The following TNK2 variants were observed in gnomAD, a reference collection of about 807,000 sequenced individuals.
The protein encoded by TNK2 is activated CDC42 kinase 1.
A neutral mutation model predicts 101.8 loss-of-function variants in TNK2; 83 were observed. The ratio of observed to expected loss-of-function variants is 0.82; its 90% CI spans 0.68 to 0.98. The LOEUF is 0.98. Ranked by LOEUF, TNK2 falls within the 50% of genes least tolerant of loss-of-function variation. TNK2 has a pLI of 0.00. For synonymous variants in TNK2, 804 were observed against 633.0 expected, an observed-to-expected ratio of 1.27 and a Z score of -4.06; for missense variants, 1,665 against 1,483.2, an observed-to-expected ratio of 1.12 and a Z score of -2.01.
intron 15 of TNK2, among the ~76,000 whole-genome samples, chr3:195,866,047 C>T (rs1158043391): frequency 6.6e-6 from 1 of 152,166 alleles, no homozygotes; most frequent in Non-Finnish European, 1.5e-5. Context: ...GCCATGTGAC[C>T]TCAGTTCACT....
intron 9 of TNK2, 28 bp from the exon 10 acceptor site, chr3:195,872,498 G>C: frequency 6.4e-7 from 1 of 1,552,386 alleles, no homozygotes. Flanking sequence ...CACGGTGAAC[G>C]CCAGGCGTGG....
chr3:195,894,742 A>ATT (rs1759938734), intron 1 of TNK2: 4 of 152,272 alleles, frequency 2.6e-5, no homozygotes, highest in African/African-American at 9.7e-5. Flanking sequence ...TTAAGCCCCA[A>ATT]CGCTCCTACC....
In TNK2 at chr3:195,888,516, G is replaced by T. The variant is rs370977320; in HGVS notation, c.73C>A (p.Arg25=). Residue 25 remains arginine, a synonymous_variant, in exon 2 of 16, where the codon CGG becomes AGG. Transcript: ENST00000672887. The surrounding 1 kb of genome is among the most constrained non-coding windows in gnomAD (Gnocchi z 5.3). Reference sequence around the variant, plus strand: ...GTGACGTTGAGGTCATCTCGGAGCCGCAGGAAGTACTGTTGCAGCTGCACC... The same window carrying T: ...GTGACGTTGAGGTCATCTCGGAGCCTCAGGAAGTACTGTTGCAGCTGCACC... ...SEVQLQQYFL[R]LRDDLNVTRL... is the part of the protein sequence containing the mutation. 3.7e-6 allele frequency: 6 copies of T among 1,613,604 alleles called. No homozygotes were observed. Among genetic ancestry groups the T allele is most frequent in the Admixed American group, 1.7e-5 (1 of 60,018 alleles).
chr3:195,883,395 C>T (rs901292129), intron 4 of TNK2, 86 bp from the exon 5 acceptor site: 10 of 1,520,980 alleles, frequency 6.6e-6, no homozygotes, highest in South Asian at 1.2e-5. Flanking sequence ...CAACTCGGCT[C>T]AACGATCCCT....
At chr3:195,907,443 T>A (rs1197409931) in intron 1 of TNK2, among the ~76,000 whole-genome samples, 2 of 152,186 alleles carry the variant, frequency 1.3e-5, no homozygotes, top group Non-Finnish European at 2.9e-5. Flanking sequence ...CAGCCACACC[T>A]CGGGCTGGGG....
chr3:195,869,319 C>CG (rs1000464801), intron 12 of TNK2, 178 bp downstream of exon 12: 19 of 685,002 alleles, frequency 2.8e-5, no homozygotes, highest in Non-Finnish European at 4.0e-5. Flanking sequence ...GCCCAGGCTC[C>CG]GGGGGGCGGG....
At chr3:195,898,826 G>A (rs1224155608) in intron 1 of TNK2, among the ~76,000 whole-genome samples, 1 of 152,198 alleles carries the variant, frequency 6.6e-6, no homozygotes, top group African/African-American at 2.4e-5. Context: ...TGGGCCCGGT[G>A]GCTCACGTCT....
Position 195,904,843 on chromosome 3 carries a change from T to C in TNK2, c.-19+3642A>G, listed in dbSNP as rs144093599. On this transcript the variant is annotated intron_variant, in intron 1 of 15. Coordinates refer to ENST00000672887, the MANE Select transcript of TNK2 (RefSeq NM_001382273.1). ...AAAACTACAAAACACTGCTGAGAGA[T>C]AGTAAACAAAACCTAGACAAATACA... Among the ~76,000 whole-genome samples the C allele has an allele frequency of 7.6e-4, 115 of 152,276 alleles. 1 individual carries two copies. The highest frequency in any genetic ancestry group is 2.4e-3 in the African/African-American group (98 of 41,562).
At chr3:195,892,304 G>A in intron 1 of TNK2, 5 of 1,143,710 alleles carry the variant, frequency 4.4e-6, no homozygotes, top group South Asian at 1.6e-5. Context: ...GCCCTCACTG[G>A]CGGGGTCCCT....
At chr3:195,894,262 C>T (rs1212220815) in intron 1 of TNK2, 1 of 152,264 alleles carries the variant, frequency 6.6e-6, no homozygotes, top group Non-Finnish European at 1.5e-5. Context: ...AGATTAAAAA[C>T]TCTAGCGTCC....
In TNK2 at chr3:195,895,199, G is replaced by T. The variant is rs765868482; in HGVS notation, c.-18-6593C>A. ...TGAGCCCGGCTCACAGCAGACGAAGGGGTCTGGGGCCCAGGTATCTGGCTA... is the reference window on the plus strand; with the variant it reads ...TGAGCCCGGCTCACAGCAGACGAAGTGGTCTGGGGCCCAGGTATCTGGCTA... On this transcript the variant is annotated intron_variant, in intron 1 of 15. Coordinates refer to ENST00000672887, the MANE Select transcript of TNK2 (RefSeq NM_001382273.1). 23 of 1,450,798 alleles carry T rather than the reference G, an allele frequency of 1.6e-5. No homozygotes were observed. The South Asian group carries it at 1.9e-4, about 12-fold the overall frequency. 89.9% of individuals were successfully genotyped at this position (1,450,798 alleles called of 1,614,324 possible).
chr3:195,874,556 G>A (rs1238345939), intron 9 of TNK2, among the ~76,000 whole-genome samples: 1 of 137,104 alleles, frequency 7.3e-6, no homozygotes, highest in South Asian at 2.4e-4. Context: ...TGGCGCCCAC[G>A]CACGCTCCGA....
At position 195,888,114 on chromosome 3, in the gene TNK2, G is replaced by A. The variant is rs574843482; in HGVS notation, c.163+312C>T. Among the ~76,000 whole-genome samples, 1 of 152,108 alleles carries A rather than the reference G, an allele frequency of 6.6e-6. No individual in the cohort carries two copies. Among genetic ancestry groups the A allele is most frequent in the Admixed American group, 6.5e-5 (1 of 15,276 alleles). ...GACCCCCCGGTAGTCAGAATGATGAGAACAGACTCAATTCGATGCTTATGA... is the reference window on the plus strand; with the variant it reads ...GACCCCCCGGTAGTCAGAATGATGAAAACAGACTCAATTCGATGCTTATGA... On this transcript the variant is annotated intron_variant, in intron 2 of 15. Coordinates refer to ENST00000672887, the MANE Select transcript of TNK2 (RefSeq NM_001382273.1). This position sits in a 1 kb window ranked among gnomAD's most constrained non-coding sequence, Gnocchi z 5.3.
At chr3:195,880,274 C>G (rs907364351) in intron 6 of TNK2, among the ~76,000 whole-genome samples, 2 of 152,112 alleles carry the variant, frequency 1.3e-5, no homozygotes, top group African/African-American at 4.8e-5. Flanking sequence ...CTGGGCCTGT[C>G]TACCACTAGC....
chr3:195,897,118 T>C (rs1423813072), intron 1 of TNK2, among the ~76,000 whole-genome samples: 1 of 152,182 alleles, frequency 6.6e-6, no homozygotes, highest in Non-Finnish European at 1.5e-5. Flanking sequence ...CAGAGGATTA[T>C]CTTGCTTCCA....
chr3:195,907,989 C>G (rs904791247), intron 1 of TNK2: 2 of 152,320 alleles, frequency 1.3e-5, no homozygotes, highest in Non-Finnish European at 2.9e-5. Context: ...AGGCTCGTGC[C>G]GTACCCAAGC....
At position 195,867,138 on chromosome 3, in the gene TNK2, G is replaced by A. The variant is rs201674063; in HGVS notation, c.3033+31C>T. 1.5e-4 allele frequency: 241 copies of A among 1,611,082 alleles called. 1 individual carries two copies. In the African/African-American group the frequency reaches 3.1e-3, roughly 21 times the overall value. ...AGCAGAACCAGGCTTCAGGGTCCCT[G>A]AGAGCCAGAGTGAGCAGGAGGTGGC... On this transcript the variant is annotated intron_variant, in intron 14 of 15. Transcript: ENST00000672887.
At chr3:195,900,642 C>T (rs996157267) in intron 1 of TNK2, among the ~76,000 whole-genome samples, 2 of 152,238 alleles carry the variant, frequency 1.3e-5, no homozygotes, top group Admixed American at 1.3e-4. Flanking sequence ...TGGCAGAGGA[C>T]ACATTGCTGC....
intron 11 of TNK2, 63 bp downstream of exon 11, chr3:195,870,051 A>C: frequency 1.6e-6 from 2 of 1,260,766 alleles, no homozygotes; most frequent in Non-Finnish European, 2.2e-6. Context: ...TGGCCTGTGA[A>C]GACAGTGCCC....
Sources: gnomAD v4.1 joint callset for allele counts (sites outside exome capture counted in the v4.1 genomes callset) on GRCh38, gnomAD v4.1.1 for gene constraint, Gnocchi (gnomAD v3.1) non-coding constraint, MANE v1.5 for transcripts, NCBI Gene and HGNC (gene_info 2026-07-23, HGNC 2026-07-21) for gene names.